Variants in BLK observed in about 807,000 individuals in gnomAD.
BLK encodes tyrosine-protein kinase Blk.
Under a neutral mutation model 61.8 loss-of-function variants are expected in BLK, and 64 were observed. That is an observed-to-expected ratio of 1.03 (90% confidence interval 0.85 to 1.27). The LOEUF (loss-of-function observed/expected upper bound fraction) is 1.27. Among genes scored for constraint, BLK ranks in the 50% most tolerant of loss-of-function variants. BLK has a pLI of 0.00. For synonymous variants in BLK, 351 were observed against 272.0 expected (o/e 1.29, Z -2.86); for missense variants, 853 against 660.5 (o/e 1.29, Z -3.19).
intron 1 of BLK, among the ~76,000 whole-genome samples, chr8:11,542,731 C>G (rs1800440545): frequency 6.6e-6 from 1 of 152,194 alleles, no homozygotes; most frequent in Non-Finnish European, 1.5e-5. Context: ...TATAGTGTCT[C>G]ACCCAAAAAT....
At chr8:11,501,481 T>G (rs7016396) in intron 1 of BLK, among the ~76,000 whole-genome samples, 2 of 152,062 alleles carry the variant, frequency 1.3e-5, no homozygotes, top group Non-Finnish European at 2.9e-5. Flanking sequence ...GAGGTCAAGA[T>G]AGGCATCTTG....
intron 1 of BLK, among the ~76,000 whole-genome samples, chr8:11,510,812 A>T (rs1044225895): frequency 1.4e-5 from 2 of 141,960 alleles, no homozygotes; most frequent in Non-Finnish European, 1.6e-5. Context: ...TAAATAAATA[A>T]ATAAATACAT....
At chr8:11,550,452 T>C (rs1585400776) in intron 6 of BLK, among the ~76,000 whole-genome samples, 190 bp downstream of exon 6, 1 of 152,194 alleles carries the variant, frequency 6.6e-6, no homozygotes, top group Non-Finnish European at 1.5e-5. Flanking sequence ...GTCCTCCCTG[T>C]CCCGGCTGGA....
intron 1 of BLK, among the ~76,000 whole-genome samples, chr8:11,534,916 T>C (rs1800049999): frequency 6.6e-6 from 1 of 152,182 alleles, no homozygotes; most frequent in Non-Finnish European, 1.5e-5. Context: ...CATGCCTGTA[T>C]CCAACCCAGA....
At chr8:11,510,474 G>A (rs905479843) in intron 1 of BLK, among the ~76,000 whole-genome samples, 1 of 152,142 alleles carries the variant, frequency 6.6e-6, no homozygotes, top group Non-Finnish European at 1.5e-5. Flanking sequence ...GTGGGGCTTT[G>A]TCGGGGGAGA....
intron 1 of BLK, among the ~76,000 whole-genome samples, chr8:11,508,059 C>T (rs1798850398): frequency 6.6e-6 from 1 of 152,172 alleles, no homozygotes; most frequent in Non-Finnish European, 1.5e-5. Flanking sequence ...ATGTGGTCCT[C>T]ACAACAGCCC....
chr8:11,533,948 T>C (rs945609558), intron 1 of BLK, among the ~76,000 whole-genome samples: 1 of 152,268 alleles, frequency 6.6e-6, no homozygotes, highest in Non-Finnish European at 1.5e-5. Flanking sequence ...ATGCCCCGTG[T>C]TGGCGGGCCT....
chr8:11,536,688 G>T (rs370468636), intron 1 of BLK, among the ~76,000 whole-genome samples: 5 of 152,322 alleles, frequency 3.3e-5, no homozygotes, highest in African/African-American at 9.6e-5. Flanking sequence ...TTACAGGCAT[G>T]AACCACTGTG....
chr8:11,516,614 TGTTAC>T (rs1799239591), intron 1 of BLK, among the ~76,000 whole-genome samples: 1 of 152,342 alleles, frequency 6.6e-6, no homozygotes, highest in Admixed American at 6.5e-5. Flanking sequence ...CCCTGACACC[TGTTAC>T]TCTACCATCT....
Position 11,561,399 on chromosome 8 carries a change from T to C in BLK, c.1127T>C (p.Ile376Thr). Residue 376 changes from isoleucine (I) to threonine (T), a missense_variant, in exon 11 of 13, where the codon ATT becomes ACT. Ile to Thr is a moderately conservative substitution (Grantham distance 89). Transcript: ENST00000259089. ...ILVSEALCCKIADFGLARIID... is the reference protein window; with the variant it reads ...ILVSEALCCKTADFGLARIID... ...GTGTCTGAGGCCTTGTGCTGCAAAA[T>C]TGCTGATTTTGGCTTGGCTCGAATC... 3.1e-6 allele frequency: 5 copies of C among 1,614,060 alleles called. No homozygotes were observed. The highest frequency in any genetic ancestry group is 2.7e-5 in the African/African-American group (2 of 75,018).
chr8:11,513,383 G>C (rs535173556), intron 1 of BLK, among the ~76,000 whole-genome samples: 2 of 152,326 alleles, frequency 1.3e-5, no homozygotes, highest in African/African-American at 2.4e-5. Flanking sequence ...AGAGAAACCA[G>C]AGCATCATTC....
intron 10 of BLK, 37 bp downstream of exon 10, chr8:11,558,075 G>A (rs1255645352): frequency 6.9e-6 from 11 of 1,602,952 alleles, no homozygotes; most frequent in Non-Finnish European, 8.5e-6. Flanking sequence ...AGGGCGGCAT[G>A]TGCCACCTGC....
chr8:11,561,247 C>G, intron 10 of BLK, 55 bp from the exon 11 acceptor site: 1 of 1,585,952 alleles, frequency 6.3e-7, no homozygotes, highest in Non-Finnish European at 8.6e-7. Flanking sequence ...AGTGTGGGCT[C>G]GGTCTTGGCG....
At chr8:11,508,493 G>T (rs1218550079) in intron 1 of BLK, among the ~76,000 whole-genome samples, 1 of 152,184 alleles carries the variant, frequency 6.6e-6, no homozygotes, top group Non-Finnish European at 1.5e-5. Flanking sequence ...CCCCCTCTTG[G>T]TGAGCCACAT....
intron 1 of BLK, among the ~76,000 whole-genome samples, chr8:11,531,486 T>C (rs1450253534): frequency 1.3e-5 from 2 of 152,228 alleles, no homozygotes; most frequent in African/African-American, 2.4e-5. Context: ...AAGAATATAA[T>C]GTACCTCTTT....
chr8:11,503,866 G>A (rs1305069560), intron 1 of BLK, among the ~76,000 whole-genome samples: 1 of 152,156 alleles, frequency 6.6e-6, no homozygotes, highest in East Asian at 1.9e-4. Flanking sequence ...CATCTTTCCA[G>A]GTTCCGGCAC....
Position 11,543,300 on chromosome 8 carries a change from C to G in BLK, c.76C>G (p.Leu26Val), listed in dbSNP as rs199658024. 99 of 1,613,704 alleles carry G rather than the reference C, an allele frequency of 6.1e-5. No homozygotes were observed. Among genetic ancestry groups the G allele is most frequent in the Non-Finnish European group, 8.1e-5 (96 of 1,180,030 alleles). ...KEKDKGQWSP[L>V]KVSAQDKDAP... Reference sequence around the variant, plus strand: ...GAAGGACAAGGGCCAATGGAGCCCCCTGAAGGTCAGCGCCCAAGACAAGGA... The same window carrying G: ...GAAGGACAAGGGCCAATGGAGCCCCGTGAAGGTCAGCGCCCAAGACAAGGA... Residue 26 changes from leucine to valine, a missense_variant, in exon 2 of 13, where the codon CTG becomes GTG. By Grantham distance (32) the Leu-to-Val change is conservative. Transcript: ENST00000259089.
At chr8:11,501,152 G>A (rs563304202) in intron 1 of BLK, among the ~76,000 whole-genome samples, 1 of 152,108 alleles carries the variant, frequency 6.6e-6, no homozygotes, top group Non-Finnish European at 1.5e-5. Flanking sequence ...TCAGCAGTGA[G>A]CTGAGACTGC....
At chr8:11,505,054 A>T (rs1274105298) in intron 1 of BLK, among the ~76,000 whole-genome samples, 3 of 152,202 alleles carry the variant, frequency 2.0e-5, no homozygotes, top group African/African-American at 4.8e-5. Flanking sequence ...ATATACACAC[A>T]TGCACAGACA....
Sources: gnomAD v4.1 joint callset for allele counts (sites outside exome capture counted in the v4.1 genomes callset) on GRCh38, gnomAD v4.1.1 for gene constraint, MANE v1.5 for transcripts, NCBI Gene and HGNC (gene_info 2026-07-23, HGNC 2026-07-21) for gene names.